CTNNBL1: variants seen among roughly 807,000 people sequenced by gnomAD.
CTNNBL1 encodes the protein catenin beta like 1.
A neutral mutation model predicts 72.7 loss-of-function variants in CTNNBL1; 31 were observed. The observed-to-expected ratio is 0.43, with a 90% CI of 0.32 to 0.58. The LOEUF (loss-of-function observed/expected upper bound fraction) is 0.58, where lower values mean the gene tolerates loss of function less well. Ranked by LOEUF, CTNNBL1 falls within the 20% of genes least tolerant of loss-of-function variation. The pLI, the probability that CTNNBL1 is intolerant of heterozygous loss-of-function variation, is 0.08. For synonymous variants in CTNNBL1, 240 were observed against 267.3 expected (o/e 0.90, Z 1.00); for missense variants, 534 against 725.1 (o/e 0.74, Z 3.03).
rs1323510912 is a variant in CTNNBL1, at chr20:37,777,434, G to T, written c.823+17G>T. 1.2e-6 allele frequency: 2 copies of T among 1,611,026 alleles called. No individual in the cohort carries two copies. The highest frequency in any genetic ancestry group is 1.7e-6 in the Non-Finnish European group (2 of 1,177,208). On this transcript the variant is annotated intron_variant, in intron 8 of 15. Coordinates refer to ENST00000361383, the MANE Select transcript of CTNNBL1 (RefSeq NM_030877.5). ...ACAATGATGGTGAGGCGCCCTCTCA[G>T]TATTGATATTCTGTTAGGATAGGAG...
At chr20:37,842,235 C>G in intron 12 of CTNNBL1, 104 bp from the exon 13 acceptor site, 1 of 791,646 alleles carries the variant, frequency 1.3e-6, no homozygotes, top group Non-Finnish European at 2.2e-6. Context: ...CAGAGCGGGT[C>G]TCCCTTTGTA....
chr20:37,717,271 A>G (rs1474312165), intron 1 of CTNNBL1, among the ~76,000 whole-genome samples: 1 of 152,248 alleles, frequency 6.6e-6, no homozygotes, highest in Non-Finnish European at 1.5e-5. Flanking sequence ...TCTTAATAAA[A>G]TCATGCATTG....
chr20:37,736,322 G>A (rs927233073), intron 2 of CTNNBL1, among the ~76,000 whole-genome samples: 1 of 152,138 alleles, frequency 6.6e-6, no homozygotes, highest in Non-Finnish European at 1.5e-5. Context: ...TGGCTCATGG[G>A]CTGCAGTTTG....
intron 11 of CTNNBL1, among the ~76,000 whole-genome samples, chr20:37,823,741 C>T (rs974645156): frequency 2.0e-5 from 3 of 152,158 alleles, no homozygotes; most frequent in Admixed American, 6.5e-5. Flanking sequence ...CTGTGGTGTT[C>T]GGCTCTCCTG....
At chr20:37,708,676 T>C (rs909819358) in intron 1 of CTNNBL1, among the ~76,000 whole-genome samples, 1 of 152,178 alleles carries the variant, frequency 6.6e-6, no homozygotes, top group African/African-American at 2.4e-5. Flanking sequence ...GAAATTAGCT[T>C]TTCTTCATCC....
At chr20:37,739,868 A>G (rs2073200263) in intron 3 of CTNNBL1, among the ~76,000 whole-genome samples, 1 of 152,116 alleles carries the variant, frequency 6.6e-6, no homozygotes, top group African/African-American at 2.4e-5. Flanking sequence ...TTACATCCCC[A>G]TTGCTTGAAC....
chr20:37,718,385 G>A (rs1424379373), intron 1 of CTNNBL1, among the ~76,000 whole-genome samples: 1 of 107,406 alleles, frequency 9.3e-6, no homozygotes, highest in Admixed American at 9.2e-5. Flanking sequence ...CCTCACCTCC[G>A]GGACGGGGCG....
At chr20:37,726,034 A>G (rs1474171645) in intron 1 of CTNNBL1, among the ~76,000 whole-genome samples, 1 of 152,220 alleles carries the variant, frequency 6.6e-6, no homozygotes, top group Non-Finnish European at 1.5e-5. Flanking sequence ...GCATACATAT[A>G]TGCATAAATG....
intron 15 of CTNNBL1, among the ~76,000 whole-genome samples, chr20:37,869,904 G>A (rs2072568188): frequency 6.6e-6 from 1 of 151,886 alleles, no homozygotes; most frequent in Non-Finnish European, 1.5e-5. Context: ...GCAGTGAAGG[G>A]TTGGACCACC....
At chr20:37,867,951 T>C (rs1052453135) in intron 15 of CTNNBL1, among the ~76,000 whole-genome samples, 3 of 152,108 alleles carry the variant, frequency 2.0e-5, no homozygotes, top group African/African-American at 7.2e-5. Context: ...AGTGGATGAG[T>C]ACTAGGCCGG....
chr20:37,729,375 A>G (rs773964334), intron 1 of CTNNBL1, among the ~76,000 whole-genome samples: 15 of 152,160 alleles, frequency 9.9e-5, no homozygotes, highest in Non-Finnish European at 1.9e-4. Flanking sequence ...GGAAAGTGCT[A>G]TTTTAATGGG....
intron 1 of CTNNBL1, among the ~76,000 whole-genome samples, chr20:37,708,785 G>A (rs528849426): frequency 3.3e-5 from 5 of 152,178 alleles, no homozygotes; most frequent in Admixed American, 2.0e-4. Context: ...TATGTGCACT[G>A]GCTCTTTGTA....
chr20:37,716,699 C>G (rs1568748470), intron 1 of CTNNBL1, among the ~76,000 whole-genome samples: 1 of 152,174 alleles, frequency 6.6e-6, no homozygotes, highest in South Asian at 2.1e-4. Context: ...ACACTTCATT[C>G]AAGCTGAGAG....
intron 3 of CTNNBL1, among the ~76,000 whole-genome samples, chr20:37,742,233 C>G (rs2073222804): frequency 6.6e-6 from 1 of 152,174 alleles, no homozygotes; most frequent in Non-Finnish European, 1.5e-5. Context: ...GTTTTAGGGT[C>G]ATTGAATCAG....
chr20:37,809,019 G>A lies in CTNNBL1; in HGVS notation c.1213+5971G>A, dbSNP rs776006643. Among the ~76,000 whole-genome samples, 9 of 146,988 alleles carry A rather than the reference G, an allele frequency of 6.1e-5. No homozygotes were observed. In the East Asian group the frequency reaches 7.8e-4, roughly 13 times the overall value. ...TGAACCAGTCCTTTTCATTGCCACT[G>A]TCTCTGCCCTCATCATCTCTCCTGA... On this transcript the variant is annotated intron_variant, in intron 11 of 15. Transcript: ENST00000361383.
chr20:37,856,773 T>C (rs1270019493), intron 13 of CTNNBL1, among the ~76,000 whole-genome samples: 1 of 152,178 alleles, frequency 6.6e-6, no homozygotes, highest in Admixed American at 6.5e-5. Flanking sequence ...TTTTTTAACA[T>C]GTGGGCACAC....
chr20:37,842,965 A>G (rs1177979931), intron 13 of CTNNBL1, among the ~76,000 whole-genome samples: 2 of 152,122 alleles, frequency 1.3e-5, no homozygotes, highest in Non-Finnish European at 2.9e-5. Flanking sequence ...TCTCATGTTG[A>G]TTGTTGCTAA....
At chr20:37,817,097 C>T (rs765920948) in intron 11 of CTNNBL1, among the ~76,000 whole-genome samples, 2 of 152,100 alleles carry the variant, frequency 1.3e-5, no homozygotes, top group Non-Finnish European at 2.9e-5. Context: ...AGAGAACAGC[C>T]CCAAATAAGT....
intron 7 of CTNNBL1, among the ~76,000 whole-genome samples, chr20:37,772,570 G>C (rs554537624): frequency 6.6e-6 from 1 of 152,194 alleles, no homozygotes; most frequent in African/African-American, 2.4e-5. Flanking sequence ...GGATGGTATC[G>C]ATCTCCTGAC....
Sources: allele counts gnomAD v4.1 joint callset (sites outside exome capture counted in the v4.1 genomes callset), GRCh38; gene constraint gnomAD v4.1.1; transcripts MANE v1.5; gene names NCBI Gene and HGNC (gene_info 2026-07-23, HGNC 2026-07-21).